The following ILDR2 variants were observed in gnomAD, a reference collection of about 807,000 sequenced individuals.
The protein encoded by ILDR2 is immunoglobulin like domain containing receptor 2.
Under a neutral mutation model 66.8 loss-of-function variants are expected in ILDR2, and 25 were observed. The ratio of observed to expected loss-of-function variants is 0.37; its 90% CI spans 0.27 to 0.52. The LOEUF is 0.52. Ranked by LOEUF, ILDR2 falls within the 20% of genes least tolerant of loss-of-function variation. The pLI, the probability that ILDR2 is intolerant of heterozygous loss-of-function variation, is 0.88. For missense variants in ILDR2, 827 were observed against 876.8 expected, an observed-to-expected ratio of 0.94 and a Z score of 0.72; for synonymous variants, 367 against 357.2, an observed-to-expected ratio of 1.03 and a Z score of -0.31.
chr1:166,947,506 G>A (rs1661695301), intron 3 of ILDR2, among the ~76,000 whole-genome samples: 3 of 152,316 alleles, frequency 2.0e-5, no homozygotes, highest in Middle Eastern at 6.8e-3. Flanking sequence ...CACAGCCCCC[G>A]TGTGAACGCA....
intron 2 of ILDR2, among the ~76,000 whole-genome samples, chr1:166,899,648 A>G (rs1162621762): frequency 6.6e-6 from 1 of 152,248 alleles, no homozygotes; most frequent in Non-Finnish European, 1.5e-5. Flanking sequence ...CAGAAAATCA[A>G]ATATTTCTTC....
chr1:166,975,206 T>G lies in ILDR2; in HGVS notation c.46+17A>C. ...GAATATACAAAGTTATTCGTTTCTG[T>G]TGAAAAGGACTCTTACCTGTTAGCC... On this transcript the variant is annotated intron_variant, in intron 1 of 9. Coordinates refer to ENST00000271417, the MANE Select transcript of ILDR2 (RefSeq NM_199351.3). 1 of 1,601,706 alleles carries G rather than the reference T, an allele frequency of 6.2e-7. No homozygotes were observed. The highest frequency in any genetic ancestry group is 1.1e-5 in the South Asian group (1 of 90,788).
intron 8 of ILDR2, 88 bp downstream of exon 8, chr1:166,922,505 T>C: frequency 1.0e-6 from 1 of 953,742 alleles, no homozygotes; most frequent in South Asian, 1.4e-5. Context: ...GAGATGCTAC[T>C]GGATGGCATC....
chr1:166,965,580 T>G (rs1304757270), intron 1 of ILDR2, among the ~76,000 whole-genome samples: 2 of 148,302 alleles, frequency 1.3e-5, no homozygotes, highest in African/African-American at 5.1e-5. Context: ...GTTTTTTTTT[T>G]TGTTTTTTTT....
intron 1 of ILDR2, among the ~76,000 whole-genome samples, chr1:166,962,116 C>G (rs1557956239): frequency 1.3e-5 from 2 of 152,204 alleles, no homozygotes; most frequent in South Asian, 4.1e-4. Flanking sequence ...ATCCCTGCTT[C>G]CACACTACAG....
chr1:166,903,686 G>GC (rs1659297664), downstream of ILDR2, among the ~76,000 whole-genome samples: 1 of 152,088 alleles, frequency 6.6e-6, no homozygotes, highest in Non-Finnish European at 1.5e-5. Flanking sequence ...GATGTTGGGG[G>GC]CCCCTGCAGC....
chr1:166,948,955 A>G (rs1257615294), intron 3 of ILDR2, among the ~76,000 whole-genome samples: 2 of 152,208 alleles, frequency 1.3e-5, no homozygotes, highest in Admixed American at 1.3e-4. Context: ...TTATTCAGCT[A>G]AGGAAACCCA....
chr1:166,921,468 C>A lies in ILDR2; in HGVS notation c.1212-89G>T. Reference sequence around the variant, plus strand: ...CAAGAGCACCCATCGTGTCCTGGGGCCACGCTCAGGAGACCTCGGCCTGAG... The same window carrying A: ...CAAGAGCACCCATCGTGTCCTGGGGACACGCTCAGGAGACCTCGGCCTGAG... On this transcript the variant is annotated intron_variant, in intron 8 of 9. Transcript: ENST00000271417. The surrounding 1 kb of genome is among the most constrained non-coding windows in gnomAD (Gnocchi z 5.3). 1.8e-6 allele frequency: 2 copies of A among 1,142,504 alleles called. No individual in the cohort carries two copies. Among genetic ancestry groups the A allele is most frequent in the Admixed American group, 2.7e-5 (1 of 37,420 alleles). The allele number at this position is 1,142,504 out of a possible 1,614,324, so 70.8% of individuals were successfully genotyped here. A position where few individuals can be genotyped will look rare whatever the true frequency, so the allele number is the denominator to read the frequency against.
intron 2 of ILDR2, among the ~76,000 whole-genome samples, chr1:166,898,553 T>C (rs1659208092): frequency 6.6e-6 from 1 of 152,208 alleles, no homozygotes; most frequent in African/African-American, 2.4e-5. Flanking sequence ...GTGTGTAATG[T>C]AGCTTCTGCT....
In ILDR2 at chr1:166,910,021, A is replaced by G. The variant is rs1659442098; in HGVS notation, c.*9334T>C. 1 of 151,828 alleles carries G rather than the reference A, an allele frequency of 6.6e-6. No individual in the cohort carries two copies. Among genetic ancestry groups the G allele is most frequent in the South Asian group, 2.1e-4 (1 of 4,806 alleles). The allele number at this position is 151,828 out of a possible 1,614,324, so 9.4% of individuals were successfully genotyped here. A position where few individuals can be genotyped will look rare whatever the true frequency, so the allele number is the denominator to read the frequency against. The stretch of plus-strand genomic sequence containing the variant: ...TTTAGAGACAGTGAGAGAGAGAACA[A>G]GAGACAGAGAGATTGATTCATCTTT... On this transcript the variant is annotated 3_prime_UTR_variant, in exon 10 of 10. Coordinates refer to ENST00000271417, the MANE Select transcript of ILDR2 (RefSeq NM_199351.3).
chr1:166,927,644 A>G (rs575402521), intron 6 of ILDR2, among the ~76,000 whole-genome samples: 119 of 152,358 alleles, frequency 7.8e-4, no homozygotes, highest in African/African-American at 2.8e-3. Flanking sequence ...GGGCCTTGAC[A>G]AAGTTGGCCT....
chr1:166,927,633 A>C (rs1305434947), intron 6 of ILDR2, among the ~76,000 whole-genome samples: 1 of 152,250 alleles, frequency 6.6e-6, no homozygotes, highest in Non-Finnish European at 1.5e-5. Context: ...TCAAACATCA[A>C]GGGCCTTGAC....
intron 2 of ILDR2, among the ~76,000 whole-genome samples, chr1:166,902,612 G>C (rs1424946099): frequency 6.6e-6 from 1 of 152,232 alleles, no homozygotes; most frequent in Non-Finnish European, 1.5e-5. Flanking sequence ...CCGACCACAA[G>C]AGGAACCAGC....
intron 3 of ILDR2, among the ~76,000 whole-genome samples, chr1:166,943,409 G>C (rs540138497): frequency 9.3e-4 from 138 of 147,616 alleles, no homozygotes; most frequent in African/African-American, 3.3e-3. Flanking sequence ...GGAGAATGGC[G>C]TAAACCCGGG....
At chr1:166,920,675 C>G in intron 9 of ILDR2, 32 bp downstream of exon 9, 3 of 1,358,284 alleles carry the variant, frequency 2.2e-6, no homozygotes, top group Non-Finnish European at 2.9e-6. Flanking sequence ...CGCTCAGTCC[C>G]CTCGGAGGAG....
intron 3 of ILDR2, chr1:166,943,955 A>G (rs1661468703): frequency 1.8e-6 from 1 of 562,244 alleles, no homozygotes; most frequent in Admixed American, 6.4e-5. Context: ...GCGCTCAAAC[A>G]GTTTTCCCCA....
At position 166,957,915 on chromosome 1, in the gene ILDR2, T is replaced by C. The variant is rs1557953480; in HGVS notation, c.233A>G (p.Gln78Arg). The C allele has an allele frequency of 1.2e-6, 2 of 1,614,140 alleles. No homozygotes were observed. The highest frequency in any genetic ancestry group is 1.7e-6 in the Non-Finnish European group (2 of 1,180,008). Residue 78 changes from glutamine (Q) to arginine (R), a missense_variant, in exon 2 of 10, where the codon CAA (glutamine) becomes CGA (arginine). Gln to Arg is a conservative substitution (Grantham distance 43). Coordinates refer to ENST00000271417, the MANE Select transcript of ILDR2 (RefSeq NM_199351.3). Reference sequence around the variant, plus strand: ...TTCCAGGTTTCTCTTGCTGAGAGATTGGGCCCGGGTAGAGGACATGCCCAA... The same window carrying C: ...TTCCAGGTTTCTCTTGCTGAGAGATCGGGCCCGGGTAGAGGACATGCCCAA... The part of the protein sequence containing the change: ...ESLGMSSTRA[Q>R]SLSKRNLEWD...
chr1:166,962,659 G>A (rs1012780191), intron 1 of ILDR2, among the ~76,000 whole-genome samples: 2 of 152,082 alleles, frequency 1.3e-5, no homozygotes, highest in African/African-American at 4.8e-5. Flanking sequence ...TTCCCGAGAG[G>A]TCTGCCCTGG....
intron 3 of ILDR2, among the ~76,000 whole-genome samples, chr1:166,945,191 G>A (rs1661544213): frequency 6.6e-6 from 1 of 152,166 alleles, no homozygotes; most frequent in Non-Finnish European, 1.5e-5. Flanking sequence ...AGGGAAGAAT[G>A]CCAGGAGCAT....
Sources: allele counts gnomAD v4.1 joint callset (sites outside exome capture counted in the v4.1 genomes callset), GRCh38; gene constraint gnomAD v4.1.1; non-coding constraint Gnocchi (gnomAD v3.1); transcripts MANE v1.5; gene names NCBI Gene and HGNC (gene_info 2026-07-23, HGNC 2026-07-21).